Variants in ACACB observed in about 807,000 individuals in gnomAD.
ACACB encodes acetyl-CoA carboxylase beta, also known as acetyl-CoA carboxylase 2.
A neutral mutation model predicts 278.8 loss-of-function variants in ACACB; 209 were observed. The ratio of observed to expected loss-of-function variants is 0.75; its 90% CI spans 0.67 to 0.84. The LOEUF (loss-of-function observed/expected upper bound fraction) is 0.84, where lower values mean the gene tolerates loss of function less well. Ranked by LOEUF, ACACB falls within the 40% of genes least tolerant of loss-of-function variation. The probability of loss-of-function intolerance (pLI) is 0.00; values close to 1 mark genes in which losing one functional copy is unlikely to be tolerated. For missense variants in ACACB, 2,850 were observed against 3,269.0 expected (o/e 0.87, Z 3.13); for synonymous variants, 1,174 against 1,285.6 (o/e 0.91, Z 1.86).
Position 109,235,235 on chromosome 12 carries a change from G to A in ACACB, c.4348-78G>A, listed in dbSNP as rs74902088. The stretch of plus-strand genomic sequence containing the variant: ...TAGCATAATGTTTACAGGTTCATCC[G>A]TGTGGTAACATGCAGCAATACTTCA... On this transcript the variant is annotated intron_variant, in intron 31 of 52. Transcript: ENST00000338432. 1.8e-4 allele frequency: 213 copies of A among 1,196,848 alleles called. 1 individual carries two copies. In the African/African-American group the frequency reaches 2.7e-3, roughly 15 times the overall value. 74.1% of individuals were successfully genotyped at this position (1,196,848 alleles called of 1,614,324 possible). A position where few individuals can be genotyped will look rare whatever the true frequency, so the allele number is the denominator to read the frequency against.
chr12:109,185,845 C>G, intron 12 of ACACB, 105 bp downstream of exon 12: 1 of 1,199,112 alleles, frequency 8.3e-7, no homozygotes, highest in Non-Finnish European at 1.1e-6. Context: ...ATCCAGGCAT[C>G]TCAGTTTACA....
At chr12:109,244,948 C>G (rs954116696) in intron 37 of ACACB, among the ~76,000 whole-genome samples, 2 of 151,998 alleles carry the variant, frequency 1.3e-5, no homozygotes, top group African/African-American at 4.8e-5. Context: ...GCCTGTAATC[C>G]CAGCACTTTG....
intron 6 of ACACB, 107 bp from the exon 7 acceptor site, chr12:109,174,025 C>A: frequency 1.2e-6 from 1 of 852,694 alleles, no homozygotes; most frequent in Non-Finnish European, 1.8e-6. Context: ...TTTTCTCTGT[C>A]ATCTGCTCCT....
chr12:109,116,983 T>G (rs1377244146), intron 1 of ACACB, among the ~76,000 whole-genome samples: 1 of 152,116 alleles, frequency 6.6e-6, no homozygotes, highest in African/African-American at 2.4e-5. Flanking sequence ...CAATTCTGTT[T>G]TTTGCCTCCA....
At chr12:109,192,747 G>T (rs2044939109) in intron 15 of ACACB, among the ~76,000 whole-genome samples, 1 of 152,066 alleles carries the variant, frequency 6.6e-6, no homozygotes, top group African/African-American at 2.4e-5. Context: ...CTGCAGCCTG[G>T]ACTTCCTGGG....
intron 4 of ACACB, among the ~76,000 whole-genome samples, chr12:109,170,166 G>A (rs745485942): frequency 8.5e-5 from 13 of 152,122 alleles, no homozygotes; most frequent in Non-Finnish European, 1.9e-4. Flanking sequence ...CCGGGTTCAA[G>A]CAATTCTTGT....
chr12:109,201,414 T>C (rs1162934292), intron 18 of ACACB, among the ~76,000 whole-genome samples, 153 bp from the exon 19 acceptor site: 1 of 152,160 alleles, frequency 6.6e-6, no homozygotes, highest in Non-Finnish European at 1.5e-5. Flanking sequence ...TCACTTTTCC[T>C]TGTACCTTCT....
chr12:109,260,419 C>A (rs2047348176), intron 47 of ACACB, 61 bp from the exon 48 acceptor site: 1 of 1,598,500 alleles, frequency 6.3e-7, no homozygotes, highest in Non-Finnish European at 8.6e-7. Context: ...ACAACTAGGG[C>A]AGTGGGTTTC....
At position 109,242,649 on chromosome 12, in the gene ACACB, G is replaced by T; in HGVS notation, c.5178+57G>T. On this transcript the variant is annotated intron_variant, in intron 37 of 52. Coordinates refer to ENST00000338432, the MANE Select transcript of ACACB (RefSeq NM_001093.4). ...TGGGTCCTCCCAGCAGACTCCACCA[G>T]AACCAAAGCCCATCCTTAATTCTCC... 2.5e-6 allele frequency: 4 copies of T among 1,579,602 alleles called. No individual in the cohort carries two copies. In the South Asian group the frequency reaches 4.5e-5, roughly 18 times the overall value.
In ACACB at chr12:109,254,423, G is replaced by T; in HGVS notation, c.6166+89G>T. On this transcript the variant is annotated intron_variant, in intron 44 of 52. Coordinates refer to ENST00000338432, the MANE Select transcript of ACACB (RefSeq NM_001093.4). ...GGAGCACTTTGTCTCAAGCGCTTGA[G>T]ACAAAGGCTTGATATTCGTTCTCAT... 3.8e-6 allele frequency: 5 copies of T among 1,316,428 alleles called. No homozygotes were observed. The African/African-American group carries it at 4.7e-5, about 12-fold the overall frequency. The allele number at this position is 1,316,428 out of a possible 1,614,324, so 81.5% of individuals were successfully genotyped here. A position where few individuals can be genotyped will look rare whatever the true frequency, so the allele number is the denominator to read the frequency against.
chr12:109,179,788 G>T, intron 10 of ACACB, 129 bp from the exon 11 acceptor site: 1 of 1,115,042 alleles, frequency 9.0e-7, no homozygotes, highest in Non-Finnish European at 1.3e-6. Flanking sequence ...ACCACACCTG[G>T]CCAGTCCCAA....
At chr12:109,142,123 C>T (rs755132047) in intron 2 of ACACB, among the ~76,000 whole-genome samples, 2 of 152,070 alleles carry the variant, frequency 1.3e-5, no homozygotes, top group Non-Finnish European at 2.9e-5. Flanking sequence ...GTGGTGCATA[C>T]CTATAGTTCT....
At chr12:109,211,620 GC>G (rs1364860308) in intron 21 of ACACB, among the ~76,000 whole-genome samples, 1 of 152,102 alleles carries the variant, frequency 6.6e-6, no homozygotes, top group African/African-American at 2.4e-5. Flanking sequence ...TAGATTAGTG[GC>G]CGCCAGGGGC....
chr12:109,178,859 C>G (rs1173374908), intron 9 of ACACB, among the ~76,000 whole-genome samples: 2 of 152,106 alleles, frequency 1.3e-5, no homozygotes, highest in African/African-American at 2.4e-5. Flanking sequence ...TTGTTCTTCC[C>G]CACCTGGGGC....
chr12:109,199,727 C>T (rs1399972993), intron 18 of ACACB, among the ~76,000 whole-genome samples, 175 bp downstream of exon 18: 1 of 152,172 alleles, frequency 6.6e-6, no homozygotes, highest in East Asian at 1.9e-4. Context: ...AAGAAAAAAA[C>T]TTCAGGCTGG....
chr12:109,257,012 ACC>A (rs1223928718), intron 45 of ACACB, among the ~76,000 whole-genome samples: 1 of 152,180 alleles, frequency 6.6e-6, no homozygotes, highest in Non-Finnish European at 1.5e-5. Context: ...GGCAGCTCAC[ACC>A]TGTAATCCCA....
intron 28 of ACACB, among the ~76,000 whole-genome samples, chr12:109,227,726 A>G (rs965638886): frequency 3.3e-5 from 5 of 152,172 alleles, no homozygotes; most frequent in Non-Finnish European, 7.3e-5. Flanking sequence ...ATGTGTGCCT[A>G]TTTACATTAA....
intron 13 of ACACB, among the ~76,000 whole-genome samples, chr12:109,189,452 C>CTACG (rs1369869870): frequency 6.6e-6 from 1 of 152,186 alleles, no homozygotes; most frequent in African/African-American, 2.4e-5. Context: ...TTGTCACATG[C>CTACG]TACGAGTGGA....
At chr12:109,204,844 A>T (rs1382639529) in intron 19 of ACACB, among the ~76,000 whole-genome samples, 1 of 151,862 alleles carries the variant, frequency 6.6e-6, no homozygotes, top group Admixed American at 6.6e-5. Flanking sequence ...TCTTTTCATT[A>T]GTCTCTTTCT....
Sources: gnomAD v4.1 joint callset for allele counts (sites outside exome capture counted in the v4.1 genomes callset) on GRCh38, gnomAD v4.1.1 for gene constraint, MANE v1.5 for transcripts, NCBI Gene and HGNC (gene_info 2026-07-23, HGNC 2026-07-21) for gene names.